KSR2: variants seen among roughly 807,000 people sequenced by gnomAD.
The protein encoded by KSR2 is kinase suppressor of ras 2.
KSR2 carries 25 observed loss-of-function variants against 107.8 expected under a neutral mutation model. That is an observed-to-expected ratio of 0.23 (90% CI 0.17 to 0.32). The LOEUF is 0.32. Ranked by LOEUF, KSR2 falls within the 10% of genes least tolerant of loss-of-function variation. The pLI is 1.00. For missense variants in KSR2, 887 were observed against 1,268.9 expected (o/e 0.70, Z 4.57); for synonymous variants, 480 against 507.0 (o/e 0.95, Z 0.71).
intron 3 of KSR2, among the ~76,000 whole-genome samples, chr12:117,837,363 C>G (rs977058429): frequency 1.3e-5 from 2 of 152,150 alleles, no homozygotes; most frequent in Non-Finnish European, 2.9e-5. Context: ...TCTTGTGCAC[C>G]GATTTCAAGA....
At chr12:117,500,967 T>C (rs147282871) in intron 14 of KSR2, among the ~76,000 whole-genome samples, 8 of 152,360 alleles carry the variant, frequency 5.3e-5, no homozygotes, top group Non-Finnish European at 7.3e-5. Flanking sequence ...AGTGTAGAAT[T>C]TGCAAGACTG....
rs546723431 is a variant in KSR2, at chr12:117,662,999, A to G, written c.1171+4475T>C. On this transcript the variant is annotated intron_variant, in intron 5 of 19. Transcript: ENST00000339824. ...ACAACCTGGGACGACAGATCCCTAG[A>G]ATAATAACAACAGAGTCTAGGTGGA... Among the ~76,000 whole-genome samples the G allele has an allele frequency of 2.8e-4, 42 of 152,244 alleles. No individual in the cohort carries two copies. In the South Asian group the frequency reaches 8.5e-3, roughly 31 times the overall value.
chr12:117,956,295 T>C (rs1340093181), intron 1 of KSR2, among the ~76,000 whole-genome samples: 1 of 141,074 alleles, frequency 7.1e-6, no homozygotes, highest in Non-Finnish European at 1.5e-5. Context: ...AGGCCAGGTA[T>C]GGTGGCTGAT....
At chr12:117,665,339 G>A (rs554237210) in intron 5 of KSR2, among the ~76,000 whole-genome samples, 2 of 151,922 alleles carry the variant, frequency 1.3e-5, no homozygotes, top group Non-Finnish European at 2.9e-5. Context: ...GGGCTCAAAT[G>A]TTTAAATCTG....
At chr12:117,870,910 C>T (rs1225006767) in intron 1 of KSR2, among the ~76,000 whole-genome samples, 1 of 152,108 alleles carries the variant, frequency 6.6e-6, no homozygotes, top group Non-Finnish European at 1.5e-5. Context: ...TGTACTCAGC[C>T]GAGCAGGGAA....
intron 12 of KSR2, among the ~76,000 whole-genome samples, chr12:117,527,403 T>C (rs192612929): frequency 1.4e-4 from 21 of 152,116 alleles, no homozygotes; most frequent in Non-Finnish European, 4.4e-5. Context: ...AAGTTGATTT[T>C]CCGGGCTGCT....
At chr12:117,593,629 T>C (rs1055574604) in intron 5 of KSR2, among the ~76,000 whole-genome samples, 8 of 152,232 alleles carry the variant, frequency 5.3e-5, no homozygotes, top group Non-Finnish European at 1.0e-4. Context: ...CACCTGACTC[T>C]TTCCCTCTGT....
chr12:117,588,879 G>GATAATGCACACAGAGTATTCTGAGCAT (rs1400314598), intron 5 of KSR2, among the ~76,000 whole-genome samples: 1 of 152,168 alleles, frequency 6.6e-6, no homozygotes, highest in Non-Finnish European at 1.5e-5. Context: ...GACTAAGTGG[G>GATAATGCACACAGAGTATTCTGAGCAT]ATAATGCACA....
At chr12:117,648,494 A>G (rs1213510875) in intron 5 of KSR2, among the ~76,000 whole-genome samples, 1 of 152,222 alleles carries the variant, frequency 6.6e-6, no homozygotes, top group Non-Finnish European at 1.5e-5. Flanking sequence ...TTCAGAGCCT[A>G]TAATGTAGCA....
rs535686021 is a variant in KSR2 at position 117,650,560 on chromosome 12, A to C, written c.1171+16914T>G. On this transcript the variant is annotated intron_variant, in intron 5 of 19. Transcript: ENST00000339824. ...TAATATGATTAGACCCAAAAATGCTAAGGACTCTACTTCTAATAGTATAGA... is the reference window on the plus strand; with the variant it reads ...TAATATGATTAGACCCAAAAATGCTCAGGACTCTACTTCTAATAGTATAGA... Among the ~76,000 whole-genome samples, 44 of 152,278 alleles carry C rather than the reference A, an allele frequency of 2.9e-4. 1 individual carries two copies. In the South Asian group the frequency reaches 8.7e-3, roughly 30 times the overall value.
intron 14 of KSR2, among the ~76,000 whole-genome samples, chr12:117,501,434 T>C (rs948570583): frequency 3.3e-5 from 5 of 152,198 alleles, no homozygotes; most frequent in African/African-American, 1.2e-4. Context: ...CTCCTCTGCA[T>C]TGGGGTGCGG....
intron 1 of KSR2, among the ~76,000 whole-genome samples, chr12:117,942,732 T>C (rs115366007): frequency 0.01 from 1,532 of 151,808 alleles, 28 homozygotes; most frequent in African/African-American, 0.036. Flanking sequence ...ACTCCTGGGC[T>C]CAAGCAATCC....
intron 3 of KSR2, among the ~76,000 whole-genome samples, chr12:117,794,445 T>C (rs1467407695): frequency 4.9e-5 from 2 of 40,492 alleles, no homozygotes; most frequent in Non-Finnish European, 8.0e-5. Flanking sequence ...CACACCAACA[T>C]GCACACACAC....
At chr12:117,762,956 T>C (rs1376603651) in intron 3 of KSR2, among the ~76,000 whole-genome samples, 3 of 152,138 alleles carry the variant, frequency 2.0e-5, no homozygotes, top group Non-Finnish European at 4.4e-5. Flanking sequence ...TAGTTACATA[T>C]GCATACATGT....
intron 3 of KSR2, among the ~76,000 whole-genome samples, chr12:117,841,439 T>A (rs905602817): frequency 6.6e-6 from 1 of 152,128 alleles, no homozygotes; most frequent in Non-Finnish European, 1.5e-5. Flanking sequence ...TGCAGCCTAA[T>A]CTGCCCACCA....
intron 3 of KSR2, among the ~76,000 whole-genome samples, chr12:117,824,341 A>C (rs1448173791): frequency 6.6e-6 from 1 of 152,196 alleles, no homozygotes; most frequent in Non-Finnish European, 1.5e-5. Flanking sequence ...CCTAGTATTC[A>C]ACAGATCAGT....
intron 4 of KSR2, among the ~76,000 whole-genome samples, chr12:117,720,331 G>A (rs1887157046): frequency 6.6e-6 from 1 of 152,186 alleles, no homozygotes; most frequent in Non-Finnish European, 1.5e-5. Flanking sequence ...ATCTCATGAT[G>A]GAAGCCATGG....
intron 7 of KSR2, among the ~76,000 whole-genome samples, chr12:117,565,396 T>C (rs1878419225): frequency 6.6e-6 from 1 of 152,188 alleles, no homozygotes; most frequent in African/African-American, 2.4e-5. Flanking sequence ...AATATCCAAT[T>C]GAGGAAACAT....
chr12:117,818,054 T>G (rs1891435365), intron 3 of KSR2, among the ~76,000 whole-genome samples: 1 of 151,424 alleles, frequency 6.6e-6, no homozygotes, highest in African/African-American at 2.4e-5. Flanking sequence ...TGAGCCAAGA[T>G]CACACCACTC....
Sources: allele counts gnomAD v4.1 joint callset (sites outside exome capture counted in the v4.1 genomes callset), GRCh38; gene constraint gnomAD v4.1.1; transcripts MANE v1.5; gene names NCBI Gene and HGNC (gene_info 2026-07-23, HGNC 2026-07-21).